SMYD3: variants seen among roughly 807,000 people sequenced by gnomAD.
The protein encoded by SMYD3 is histone-lysine N-methyltransferase SMYD3.
Under a neutral mutation model 57.7 loss-of-function variants are expected in SMYD3, and 36 were observed. The ratio of observed to expected loss-of-function variants is 0.62; its 90% CI spans 0.48 to 0.82. The LOEUF is 0.82. Ranked by LOEUF, SMYD3 falls within the 40% of genes least tolerant of loss-of-function variation. The pLI, the probability that SMYD3 is intolerant of heterozygous loss-of-function variation, is 0.00. For synonymous variants in SMYD3, 211 were observed against 195.0 expected (o/e 1.08, Z -0.68); for missense variants, 515 against 538.8 (o/e 0.96, Z 0.44).
At chr1:245,817,569 G>T (rs1417214667) in intron 10 of SMYD3, among the ~76,000 whole-genome samples, 1 of 152,074 alleles carries the variant, frequency 6.6e-6, no homozygotes, top group Admixed American at 6.5e-5. Context: ...TGACCTGAGA[G>T]AAGAAGGCTT....
chr1:245,911,912 G>T (rs992752408), intron 8 of SMYD3, among the ~76,000 whole-genome samples: 1 of 152,054 alleles, frequency 6.6e-6, no homozygotes, highest in African/African-American at 2.4e-5. Context: ...ATAAATTTTT[G>T]AGGAGATGGA....
intron 5 of SMYD3, among the ~76,000 whole-genome samples, chr1:246,119,417 T>TC (rs2061390909): frequency 9.0e-6 from 1 of 110,720 alleles, no homozygotes; most frequent in African/African-American, 4.6e-5. Flanking sequence ...TTCTTTCTTT[T>TC]TTTTTTTTTT....
At chr1:246,278,637 G>A (rs2064382975) in intron 5 of SMYD3, among the ~76,000 whole-genome samples, 1 of 152,106 alleles carries the variant, frequency 6.6e-6, no homozygotes, top group Admixed American at 6.6e-5. Flanking sequence ...TGGCCCAAGC[G>A]AGCTGGGAAG....
intron 6 of SMYD3, 124 bp from the exon 7 acceptor site, chr1:245,928,157 C>CAG (rs530240837): frequency 0.14 from 85,605 of 596,522 alleles, 9,413 homozygotes; most frequent in East Asian, 0.54. Context: ...TGACAGGATG[C>CAG]CAGGGGTTCA....
At chr1:246,148,458 A>G (rs1017251285) in intron 5 of SMYD3, among the ~76,000 whole-genome samples, 4 of 152,132 alleles carry the variant, frequency 2.6e-5, no homozygotes, top group South Asian at 2.1e-4. Context: ...CTGACACTCA[A>G]TAAAGCTCCT....
chr1:245,971,979 CAG>C (rs1299028673), intron 5 of SMYD3, among the ~76,000 whole-genome samples: 4 of 152,156 alleles, frequency 2.6e-5, no homozygotes, highest in Non-Finnish European at 1.5e-5. Flanking sequence ...CTACGCTGTA[CAG>C]AGTCTAGTCA....
chr1:245,799,773 G>A (rs947061533), intron 10 of SMYD3, among the ~76,000 whole-genome samples: 9 of 151,898 alleles, frequency 5.9e-5, no homozygotes, highest in South Asian at 4.2e-4. Flanking sequence ...AGGATCTCCC[G>A]ACCTCGGCAC....
chr1:246,406,986 T>C (rs1389469692), intron 1 of SMYD3, among the ~76,000 whole-genome samples: 1 of 152,238 alleles, frequency 6.6e-6, no homozygotes, highest in Admixed American at 6.5e-5. Context: ...TTGTCCTGTC[T>C]TCTGACTAAA....
At chr1:246,468,856 G>A (rs532507619) in intron 1 of SMYD3, among the ~76,000 whole-genome samples, 1 of 152,126 alleles carries the variant, frequency 6.6e-6, no homozygotes, top group South Asian at 2.1e-4. Flanking sequence ...CATGCCTGGA[G>A]TCCTAGGTAC....
intron 7 of SMYD3, among the ~76,000 whole-genome samples, chr1:245,917,228 C>T (rs968610503): frequency 2.6e-5 from 4 of 152,090 alleles, no homozygotes; most frequent in Non-Finnish European, 5.9e-5. Flanking sequence ...GATGGAGTTT[C>T]GCCATGCTAC....
chr1:245,794,526 C>T (rs2791390), intron 10 of SMYD3, among the ~76,000 whole-genome samples: 75,347 of 152,038 alleles, frequency 0.5, 21,087 homozygotes, highest in East Asian at 0.79. Context: ...GTATTGATAC[C>T]ACTCAGTACT....
intron 5 of SMYD3, among the ~76,000 whole-genome samples, chr1:246,173,463 C>G (rs541490320): frequency 3.5e-4 from 53 of 152,152 alleles, no homozygotes; most frequent in Non-Finnish European, 6.8e-4. Context: ...CTTTTTTTAA[C>G]CTTTTGACTC....
chr1:245,885,288 G>A (rs1379048387), intron 8 of SMYD3, among the ~76,000 whole-genome samples: 1 of 152,160 alleles, frequency 6.6e-6, no homozygotes, highest in Non-Finnish European at 1.5e-5. Flanking sequence ...CTTCATTCTT[G>A]AAGTCAGTGA....
intron 5 of SMYD3, among the ~76,000 whole-genome samples, chr1:246,155,800 G>GA (rs1304003015): frequency 1.3e-5 from 2 of 151,916 alleles, no homozygotes; most frequent in Admixed American, 6.6e-5. Flanking sequence ...GCCAATATGG[G>GA]AAAATCCCAT....
intron 5 of SMYD3, among the ~76,000 whole-genome samples, chr1:246,072,806 C>A (rs1419178740): frequency 6.6e-6 from 1 of 151,876 alleles, no homozygotes; most frequent in Non-Finnish European, 1.5e-5. Flanking sequence ...ATGAGACAGA[C>A]TTTTCTTCTG....
At chr1:245,811,654 A>G (rs1314784327) in intron 10 of SMYD3, among the ~76,000 whole-genome samples, 1 of 152,190 alleles carries the variant, frequency 6.6e-6, no homozygotes, top group Non-Finnish European at 1.5e-5. Context: ...TAAAAATTTC[A>G]TATTTGGAAA....
chr1:245,942,771 A>C (rs2057294108), intron 5 of SMYD3, among the ~76,000 whole-genome samples: 1 of 152,194 alleles, frequency 6.6e-6, no homozygotes, highest in Non-Finnish European at 1.5e-5. Flanking sequence ...AAAATAACTA[A>C]AGTCATAACC....
intron 5 of SMYD3, among the ~76,000 whole-genome samples, chr1:245,951,261 A>G (rs1346520421): frequency 1.3e-5 from 2 of 151,842 alleles, no homozygotes; most frequent in African/African-American, 2.4e-5. Flanking sequence ...TACCCACTCC[A>G]TGGCTGCTTT....
intron 2 of SMYD3, among the ~76,000 whole-genome samples, chr1:246,345,707 C>G (rs1473139630): frequency 6.6e-6 from 1 of 152,162 alleles, no homozygotes; most frequent in African/African-American, 2.4e-5. Flanking sequence ...CTCCCAGGGA[C>G]AGCCAATTCT....
Sources: allele counts gnomAD v4.1 joint callset (sites outside exome capture counted in the v4.1 genomes callset), GRCh38; gene constraint gnomAD v4.1.1; transcripts MANE v1.5; gene names NCBI Gene and HGNC (gene_info 2026-07-23, HGNC 2026-07-21).